NAV2: variants seen among roughly 807,000 people sequenced by gnomAD.
NAV2 encodes the protein helicase, APC down-regulated 1.
NAV2 carries 54 observed loss-of-function variants against 223.2 expected under a neutral mutation model. That is an observed-to-expected ratio of 0.24 (90% CI 0.19 to 0.30). NAV2 has a LOEUF of 0.30. Ranked by LOEUF, NAV2 falls within the 10% of genes least tolerant of loss-of-function variation. NAV2 has a pLI of 1.00. For synonymous variants in NAV2, 1,279 were observed against 1,239.3 expected, an observed-to-expected ratio of 1.03 and a Z score of -0.67; for missense variants, 2,806 against 3,147.5, an observed-to-expected ratio of 0.89 and a Z score of 2.60.
chr11:20,075,706 AC>A (rs954814034), intron 22 of NAV2, among the ~76,000 whole-genome samples: 4 of 151,676 alleles, frequency 2.6e-5, no homozygotes, highest in Non-Finnish European at 4.4e-5. Context: ...GCCTCTCTTT[AC>A]CCCTCACATC....
intron 1 of NAV2, among the ~76,000 whole-genome samples, chr11:19,812,150 C>G (rs28409556): frequency 6.6e-6 from 1 of 150,594 alleles, no homozygotes; most frequent in African/African-American, 2.4e-5. Flanking sequence ...TAAGCTGCCA[C>G]CCCCCACAAT....
intron 7 of NAV2, among the ~76,000 whole-genome samples, chr11:19,937,376 C>T (rs988723406): frequency 6.8e-6 from 1 of 148,116 alleles, no homozygotes; most frequent in African/African-American, 2.5e-5. Flanking sequence ...CAAAACCTCT[C>T]CATGTTAAAG....
In NAV2 at chr11:20,055,858, C is replaced by G. The variant is rs888472613; in HGVS notation, c.4732C>G (p.Pro1578Ala). The stretch of plus-strand genomic sequence containing the variant: ...CTCCAATGCTGATGGGCAGTATGAT[C>G]CATACACTGACAGCCGCTTCCGGAA... ...SLSNADGQYD[P>A]YTDSRFRNSS... Residue 1578 changes from proline (P) to alanine (A), a missense_variant, in exon 19 of 38, where the codon CCA (proline) becomes GCA (alanine). Around this residue, in one of 4 missense-constraint regions of NAV2, gnomAD observed 742 missense variants for 777.9 expected, o/e 0.95. Coordinates refer to ENST00000349880, the MANE Select transcript of NAV2 (RefSeq NM_145117.5). The G allele has an allele frequency of 2.5e-6, 4 of 1,614,166 alleles. No individual in the cohort carries two copies. Among genetic ancestry groups the G allele is most frequent in the Non-Finnish European group, 3.4e-6 (4 of 1,180,008 alleles).
At position 20,068,394 on chromosome 11, in the gene NAV2, C is replaced by G; in HGVS notation, c.4979C>G (p.Ala1660Gly). 3 of 1,612,966 alleles carry G rather than the reference C, an allele frequency of 1.9e-6. No individual in the cohort carries two copies. The change falls in exon 22 of 38, where the codon GCA (alanine) becomes GGA (glycine). Residue 1660 changes from alanine (A) to glycine (G), a missense_variant. Transcript: ENST00000349880. ...TCAGCTTTGACCACCCAGCTGACAGCAAATGTAAGTACAGACATAGGGCAG... is the reference window on the plus strand; with the variant it reads ...TCAGCTTTGACCACCCAGCTGACAGGAAATGTAAGTACAGACATAGGGCAG... ...KVSALTTQLTANAHLVAAFEQ... is the reference protein window; with the variant it reads ...KVSALTTQLTGNAHLVAAFEQ...
chr11:19,850,547 G>A (rs959737932), intron 3 of NAV2, among the ~76,000 whole-genome samples: 2 of 152,106 alleles, frequency 1.3e-5, no homozygotes, highest in Non-Finnish European at 2.9e-5. Context: ...GCAGTGCTTT[G>A]AGCACTCAGT....
At chr11:20,022,341 C>T (rs1233347971) in intron 11 of NAV2, among the ~76,000 whole-genome samples, 12 of 152,248 alleles carry the variant, frequency 7.9e-5, no homozygotes, top group Admixed American at 6.5e-4. Context: ...CTCCCACCCA[C>T]CTCCCCTTCC....
At chr11:19,951,510 T>C (rs1170748751) in intron 10 of NAV2, among the ~76,000 whole-genome samples, 1 of 152,266 alleles carries the variant, frequency 6.6e-6, no homozygotes, top group Non-Finnish European at 1.5e-5. Context: ...CTCAGATTTA[T>C]TATTATCAAT....
At chr11:19,737,364 CAAG>C (rs1429130397) in intron 1 of NAV2, among the ~76,000 whole-genome samples, 2 of 152,128 alleles carry the variant, frequency 1.3e-5, no homozygotes, top group African/African-American at 2.4e-5. Context: ...ACAGGGTGCA[CAAG>C]AAGGACAGAA....
intron 1 of NAV2, among the ~76,000 whole-genome samples, chr11:19,355,383 G>A (rs1209949597): frequency 6.6e-6 from 1 of 152,034 alleles, no homozygotes; most frequent in East Asian, 1.9e-4. Context: ...TGTCTTTGGA[G>A]AGTGTGAACT....
intron 2 of NAV2, among the ~76,000 whole-genome samples, chr11:19,837,808 CT>C (rs1356882663): frequency 1.3e-5 from 2 of 152,214 alleles, no homozygotes; most frequent in Non-Finnish European, 2.9e-5. Context: ...GAACTGCATC[CT>C]GTGCAGAGCA....
chr11:19,454,969 A>G (rs1564949512), intron 1 of NAV2, among the ~76,000 whole-genome samples: 1 of 152,202 alleles, frequency 6.6e-6, no homozygotes, highest in African/African-American at 2.4e-5. Flanking sequence ...TCACCTGCGA[A>G]CAGGTTAGAA....
intron 5 of NAV2, chr11:19,884,303 C>T (rs1241717655): frequency 1.2e-6 from 2 of 1,613,682 alleles, no homozygotes; most frequent in Non-Finnish European, 1.7e-6. Flanking sequence ...GTGCATCATC[C>T]AAGGACTCAT....
At chr11:19,525,465 G>A (rs1256484955) in intron 1 of NAV2, among the ~76,000 whole-genome samples, 2 of 152,202 alleles carry the variant, frequency 1.3e-5, no homozygotes, top group East Asian at 3.9e-4. Flanking sequence ...GAGGAAGTGA[G>A]GACTGCGGTC....
chr11:19,919,450 C>T (rs2044084353), intron 6 of NAV2, among the ~76,000 whole-genome samples: 1 of 152,154 alleles, frequency 6.6e-6, no homozygotes, highest in South Asian at 2.1e-4. Context: ...GGGCTGCTTC[C>T]AGTCAGCCTG....
intron 1 of NAV2, among the ~76,000 whole-genome samples, chr11:19,420,319 C>T (rs891055918): frequency 1.3e-5 from 2 of 152,166 alleles, no homozygotes; most frequent in African/African-American, 4.8e-5. Context: ...CTGAAAGTTG[C>T]ACACACTGTT....
At chr11:20,071,411 C>T (rs1282396319) in intron 22 of NAV2, among the ~76,000 whole-genome samples, 1 of 152,222 alleles carries the variant, frequency 6.6e-6, no homozygotes, top group East Asian at 1.9e-4. Flanking sequence ...AACAGTGCTG[C>T]AATAAACATA....
rs377425248 is a variant in NAV2 at position 19,890,074 on chromosome 11, A to T, written c.771-2360A>T. ...GGAGAAGACGAGAAAGGAAACTAAC[A>T]TACGGTGGCTGGACATTAAGCCATT... is the stretch of plus-strand genomic sequence containing the variant. On this transcript the variant is annotated intron_variant, in intron 5 of 37. Transcript: ENST00000349880. Among the ~76,000 whole-genome samples the T allele has an allele frequency of 2.6e-5, 4 of 152,352 alleles. No individual in the cohort carries two copies. In the East Asian group the frequency reaches 5.8e-4, roughly 22 times the overall value.
intron 12 of NAV2, 41 bp from the exon 13 acceptor site, chr11:20,043,940 G>A: frequency 3.2e-6 from 5 of 1,583,250 alleles, no homozygotes; most frequent in Non-Finnish European, 4.3e-6. Context: ...TTCCCAGCCT[G>A]GGACTGGGGA....
At chr11:19,529,185 A>G (rs1324175550) in intron 1 of NAV2, among the ~76,000 whole-genome samples, 1 of 152,224 alleles carries the variant, frequency 6.6e-6, no homozygotes, top group Non-Finnish European at 1.5e-5. Context: ...TTGGTGCCCC[A>G]TGAAAACTTC....
Sources: allele counts gnomAD v4.1 joint callset (sites outside exome capture counted in the v4.1 genomes callset), GRCh38; gene constraint gnomAD v4.1.1; regional missense constraint gnomAD v4.1.1; transcripts MANE v1.5; gene names NCBI Gene and HGNC (gene_info 2026-07-23, HGNC 2026-07-21).